HID1: variants seen among roughly 807,000 people sequenced by gnomAD.
HID1 encodes the protein HID1 domain containing.
A neutral mutation model predicts 89.7 loss-of-function variants in HID1; 42 were observed. That is an observed-to-expected ratio of 0.47 (90% CI 0.37 to 0.61). The LOEUF is 0.61. Among genes scored for constraint, HID1 ranks in the 20% least tolerant of loss-of-function variants. HID1 has a pLI of 0.00. For synonymous variants in HID1, 442 were observed against 433.8 expected, an observed-to-expected ratio of 1.02 and a Z score of -0.24; for missense variants, 854 against 1,039.3, an observed-to-expected ratio of 0.82 and a Z score of 2.45.
rs769356357 is a variant in HID1, at chr17:74,951,681, C to G, written c.2304-48G>C. On this transcript the variant is annotated intron_variant, in intron 18 of 18. Transcript: ENST00000425042. The stretch of plus-strand genomic sequence containing the variant: ...CCCAGGTGCTGGGGCACCTTGCAGA[C>G]AAGGCACCAGGAGGAGCTGGGCAGC... 5.1e-6 allele frequency: 8 copies of G among 1,568,758 alleles called. No individual in the cohort carries two copies. The African/African-American group carries it at 1.1e-4, about 21-fold the overall frequency.
chr17:74,965,429 C>T (rs1361161523), intron 1 of HID1, among the ~76,000 whole-genome samples: 1 of 152,248 alleles, frequency 6.6e-6, no homozygotes, highest in Non-Finnish European at 1.5e-5. Context: ...CAGAAACATG[C>T]CTTACACACG....
chr17:74,965,404 T>G (rs894063612), intron 1 of HID1, among the ~76,000 whole-genome samples: 4 of 152,202 alleles, frequency 2.6e-5, no homozygotes, highest in African/African-American at 4.8e-5. Context: ...AGCCCAGCAC[T>G]CAGCCAAGAT....
intron 12 of HID1, among the ~76,000 whole-genome samples, chr17:74,957,319 CAAAAAAAA>C (rs11290713): frequency 2.1e-5 from 3 of 139,662 alleles, no homozygotes; most frequent in Admixed American, 7.2e-5. Context: ...ACTAAAAATA[CAAAAAAAA>C]AAAAAAAATT....
Position 74,967,947 on chromosome 17 carries a change from A to AT in HID1, c.67-3316_67-3315insA, listed in dbSNP as rs1361165272. The AT allele has an allele frequency of 5.3e-5, 8 of 152,018 alleles. No homozygotes were observed. The East Asian group carries it at 1.5e-3, about 29-fold the overall frequency. The allele number at this position is 152,018 out of a possible 1,614,324, so 9.4% of individuals were successfully genotyped here. On this transcript the variant is annotated intron_variant, in intron 1 of 18. Coordinates refer to ENST00000425042, the MANE Select transcript of HID1 (RefSeq NM_030630.3). ...GTGAGACTATCTCTACAAAAAAAAA[A>AT]AGAAAAAATTAGCCACGTGTAGTGG...
chr17:74,960,823 T>C lies in HID1; in HGVS notation c.729-575A>G, dbSNP rs536554601. Among the ~76,000 whole-genome samples, 4 of 152,308 alleles carry C rather than the reference T, an allele frequency of 2.6e-5. No individual in the cohort carries two copies. The South Asian group carries it at 6.2e-4, about 24-fold the overall frequency. ...GGCGTGTCATGTAGGGACCAGAGTC[T>C]GGAAGGCGGAGGTCGACCGCCACCT... On this transcript the variant is annotated intron_variant, in intron 6 of 18. Coordinates refer to ENST00000425042, the MANE Select transcript of HID1 (RefSeq NM_030630.3).
Position 74,959,443 on chromosome 17 carries a change from C to G in HID1, c.1009-392G>C, listed in dbSNP as rs1032518156. ...ACTCCCCCATCACCCCATCACAACT[C>G]GAGGAGCATTCCACTGTTCTGTCAT... On this transcript the variant is annotated intron_variant, in intron 8 of 18. Coordinates refer to ENST00000425042, the MANE Select transcript of HID1 (RefSeq NM_030630.3). This position sits in a 1 kb window ranked among gnomAD's most constrained non-coding sequence, Gnocchi z 4.6. Among the ~76,000 whole-genome samples the G allele has an allele frequency of 8.5e-5, 13 of 152,150 alleles. No homozygotes were observed. Among genetic ancestry groups the G allele is most frequent in the South Asian group, 4.1e-4 (2 of 4,822 alleles).
At chr17:74,956,054 C>T in intron 12 of HID1, 98 bp from the exon 13 acceptor site, 1 of 1,235,462 alleles carries the variant, frequency 8.1e-7, no homozygotes, top group Non-Finnish European at 1.1e-6. Flanking sequence ...CTCTCAATCC[C>T]TCCCTGCCCC....
At position 74,951,963 on chromosome 17, in the gene HID1, C is replaced by T. The variant is rs1169019654; in HGVS notation, c.2245G>A (p.Ala749Thr). The change falls in exon 18 of 19, where the codon GCC becomes ACC. Residue 749 changes from alanine to threonine, a missense_variant. Coordinates refer to ENST00000425042, the MANE Select transcript of HID1 (RefSeq NM_030630.3). ...PHPILIRKYQ[A>T]NSGTAMWFRT... Reference sequence around the variant, plus strand: ...AACCACATGGCAGTGCCCGAGTTGGCCTGGTACTTGCGGATGAGGATGGGG... The same window carrying T: ...AACCACATGGCAGTGCCCGAGTTGGTCTGGTACTTGCGGATGAGGATGGGG... 3 of 1,563,192 alleles carry T rather than the reference C, an allele frequency of 1.9e-6. No individual in the cohort carries two copies. Among genetic ancestry groups the T allele is most frequent in the Non-Finnish European group, 2.6e-6 (3 of 1,154,252 alleles).
rs142613998 is a variant in HID1, at chr17:74,962,267, G to T, written c.578C>A (p.Ser193Tyr). 2.5e-6 allele frequency: 4 copies of T among 1,611,410 alleles called. No homozygotes were observed. The highest frequency in any genetic ancestry group is 2.2e-5 in the East Asian group (1 of 44,758). The change falls in exon 5 of 19, where the codon TCC (serine) becomes TAC (tyrosine). Residue 193 changes from serine to tyrosine, a missense_variant. Ser to Tyr is a moderately radical substitution (Grantham distance 144). Coordinates refer to ENST00000425042, the MANE Select transcript of HID1 (RefSeq NM_030630.3). This position sits in a 1 kb window ranked among gnomAD's most constrained non-coding sequence, Gnocchi z 4.3. ...ATCGTGGATGTAGTTAGGCTGGGGG[G>T]AGTGAGCGAAGCCCACACCAGCCTC... ...IWEAGVGFAH[S>Y]PQPNYIHDMN...
Position 74,954,158 on chromosome 17 carries a change from G to C in HID1, c.1844C>G (p.Thr615Ser). The C allele has an allele frequency of 1.9e-6, 3 of 1,601,058 alleles. No individual in the cohort carries two copies. Among genetic ancestry groups the C allele is most frequent in the Non-Finnish European group, 2.6e-6 (3 of 1,175,050 alleles). Residue 615 changes from threonine (T) to serine (S), a missense_variant, in exon 14 of 19, where the codon ACC (threonine) becomes AGC (serine). Thr to Ser is a moderately conservative substitution (Grantham distance 58). Coordinates refer to ENST00000425042, the MANE Select transcript of HID1 (RefSeq NM_030630.3). Reference sequence around the variant, plus strand: ...CAGACCTGGAGTAGCCACCAGACTGGTCTTGAGGGTGCCTGGCTCTGCAGG... The same window carrying C: ...CAGACCTGGAGTAGCCACCAGACTGCTCTTGAGGGTGCCTGGCTCTGCAGG... ...AAPAEPGTLK[T>S]SLVATPGIDK...
intron 12 of HID1, 31 bp from the exon 13 acceptor site, chr17:74,955,987 C>T (rs764756286): frequency 6.2e-7 from 1 of 1,604,942 alleles, no homozygotes; most frequent in South Asian, 1.1e-5. Context: ...CACTCCTGGG[C>T]CCCTCAGCCA....
chr17:74,961,036 G>A (rs1329645404), intron 6 of HID1, among the ~76,000 whole-genome samples: 2 of 146,776 alleles, frequency 1.4e-5, no homozygotes, highest in African/African-American at 5.1e-5. Context: ...CACACTCCCC[G>A]ACCCGGTCTC....
At position 74,958,112 on chromosome 17, in the gene HID1, C is replaced by A; in HGVS notation, c.1471+29G>T. 1 of 1,571,950 alleles carries A rather than the reference C, an allele frequency of 6.4e-7. No individual in the cohort carries two copies. ...TGGCCTGACACCACCTGGTGGTGAG[C>A]GCGGGGAGTGCAAGCTCCGGGCCCC... On this transcript the variant is annotated intron_variant, in intron 12 of 18. Transcript: ENST00000425042. This position sits in a 1 kb window ranked among gnomAD's most constrained non-coding sequence, Gnocchi z 5.2.
chr17:74,961,928 G>C lies in HID1; in HGVS notation c.673C>G (p.Pro225Ala), dbSNP rs1465501884. Residue 225 changes from proline to alanine, a missense_variant, in exon 6 of 19, where the codon CCG (proline) becomes GCG (alanine). Pro to Ala is a conservative substitution (Grantham distance 27). Coordinates refer to ENST00000425042, the MANE Select transcript of HID1 (RefSeq NM_030630.3). The stretch of plus-strand genomic sequence containing the variant: ...CATGGGTTGGTGCTGCCACTTTCCG[G>C]AGCTGGGGGCAGGTACATGGCCTCG... Reference protein sequence around the residue: ...FSEAMYLPPAPESGSTNPWVQ... With the variant: ...FSEAMYLPPAAESGSTNPWVQ... The C allele has an allele frequency of 1.2e-6, 2 of 1,604,480 alleles. No individual in the cohort carries two copies. The highest frequency in any genetic ancestry group is 1.7e-6 in the Non-Finnish European group (2 of 1,175,344).
intron 1 of HID1, among the ~76,000 whole-genome samples, chr17:74,965,303 A>G (rs1369203138): frequency 6.6e-6 from 1 of 152,216 alleles, no homozygotes; most frequent in South Asian, 2.1e-4. Flanking sequence ...GGCATCCTGC[A>G]TGCACCACGG....
chr17:74,953,825 A>T (rs992748250), intron 14 of HID1, among the ~76,000 whole-genome samples, 174 bp from the exon 15 acceptor site: 2 of 151,348 alleles, frequency 1.3e-5, no homozygotes, highest in Non-Finnish European at 2.9e-5. Context: ...CCATCCCTCC[A>T]GAGTCTACAC....
At position 74,961,642 on chromosome 17, in the gene HID1, C is replaced by T. The variant is rs1598626898; in HGVS notation, c.728+231G>A. 5 of 322,016 alleles carry T rather than the reference C, an allele frequency of 1.6e-5. No homozygotes were observed. The East Asian group carries it at 2.4e-4, about 16-fold the overall frequency. The allele number at this position is 322,016 out of a possible 1,614,324, so 19.9% of individuals were successfully genotyped here. ...CATTCTATTTCTACTGGACAGGCGGCTCTTGATGGAGGACCCAGGGACGGA... is the reference window on the plus strand; with the variant it reads ...CATTCTATTTCTACTGGACAGGCGGTTCTTGATGGAGGACCCAGGGACGGA... On this transcript the variant is annotated intron_variant, in intron 6 of 18. Transcript: ENST00000425042.
chr17:74,951,834 G>A, intron 18 of HID1, 71 bp downstream of exon 18: 1 of 1,451,806 alleles, frequency 6.9e-7, no homozygotes. Flanking sequence ...GTGGGGCCCA[G>A]AGCTGAGGTC....
Position 74,972,444 on chromosome 17 carries a change from G to T in HID1, c.66+147C>A. ...GATGGAGCTTCCAGGTACAGGCCGC[G>T]GGGTCCCGTTCCGGCGCTGGCCTTG... On this transcript the variant is annotated intron_variant, in intron 1 of 18. Transcript: ENST00000425042. The surrounding 1 kb of genome is among the most constrained non-coding windows in gnomAD (Gnocchi z 6.4). The T allele has an allele frequency of 1.4e-6, 1 of 714,654 alleles. No individual in the cohort carries two copies. The highest frequency in any genetic ancestry group is 2.2e-6 in the Non-Finnish European group (1 of 446,032). 44.3% of individuals were successfully genotyped at this position (714,654 alleles called of 1,614,324 possible).
Sources: gnomAD v4.1 joint callset for allele counts (sites outside exome capture counted in the v4.1 genomes callset) on GRCh38, gnomAD v4.1.1 for gene constraint, Gnocchi (gnomAD v3.1) non-coding constraint, MANE v1.5 for transcripts, NCBI Gene and HGNC (gene_info 2026-07-23, HGNC 2026-07-21) for gene names.